Variants in ENTHD1 observed in about 807,000 individuals in gnomAD.
ENTHD1 encodes the protein ENTH domain-containing protein 1.
Under a neutral mutation model 39.1 loss-of-function variants are expected in ENTHD1, and 23 were observed. That is an observed-to-expected ratio of 0.59 (90% CI 0.42 to 0.83). The LOEUF (loss-of-function observed/expected upper bound fraction) is 0.83, where lower values mean the gene tolerates loss of function less well. ENTHD1 is among the 40% of genes least tolerant of loss of function. The pLI is 0.00. For missense variants in ENTHD1, 624 were observed against 705.4 expected (o/e 0.88, Z 1.31); for synonymous variants, 230 against 258.2 (o/e 0.89, Z 1.05).
In ENTHD1 at chr22:39,767,042, T is replaced by C. The variant is rs59257068; in HGVS notation, c.833-1433A>G. On this transcript the variant is annotated intron_variant, in intron 5 of 6. Transcript: ENST00000325157. ...TATAACACTTCATATCTCATTTATC[T>C]TGTCCCCTACCTGACAAAAGTCTCC... is the stretch of plus-strand genomic sequence containing the variant. Among the ~76,000 whole-genome samples, 671 of 152,262 alleles carry C rather than the reference T, an allele frequency of 4.4e-3. 8 individuals carry two copies. The highest frequency in any genetic ancestry group is 0.016 in the African/African-American group (648 of 41,550).
chr22:39,775,934 G>A (rs2065362090), intron 5 of ENTHD1, among the ~76,000 whole-genome samples: 1 of 152,158 alleles, frequency 6.6e-6, no homozygotes. Flanking sequence ...TTCTCATTCT[G>A]TCACCCAGGC....
chr22:39,768,313 A>G (rs1345509960), intron 5 of ENTHD1, among the ~76,000 whole-genome samples: 2 of 152,186 alleles, frequency 1.3e-5, no homozygotes, highest in East Asian at 1.9e-4. Context: ...TTCTGTTGCT[A>G]TTCAACAGGA....
intron 5 of ENTHD1, among the ~76,000 whole-genome samples, chr22:39,767,684 C>G (rs5757792): frequency 1.3e-5 from 2 of 152,162 alleles, no homozygotes; most frequent in Non-Finnish European, 2.9e-5. Context: ...ATAAGATCAT[C>G]TTAAAATTTA....
chr22:39,772,377 GGT>G (rs1380003294), intron 5 of ENTHD1, among the ~76,000 whole-genome samples: 1 of 152,060 alleles, frequency 6.6e-6, no homozygotes, highest in Non-Finnish European at 1.5e-5. Context: ...GTGGCCCAGG[GGT>G]TGGGGACCCC....
intron 3 of ENTHD1, among the ~76,000 whole-genome samples, chr22:39,843,169 A>C (rs1348486727): frequency 6.6e-6 from 1 of 152,206 alleles, no homozygotes; most frequent in Non-Finnish European, 1.5e-5. Flanking sequence ...ATGTATGTTT[A>C]CTGCGGCACT....
chr22:39,875,322 T>TCGCGCCCGTC (rs2066279099), intron 2 of ENTHD1: 1 of 1,303,074 alleles, frequency 7.7e-7, no homozygotes, highest in African/African-American at 1.6e-5. Context: ...TCGGGCCCGT[T>TCGCGCCCGTC]CGCGCCCGTC....
At chr22:39,808,222 C>T (rs1306299819) in intron 5 of ENTHD1, among the ~76,000 whole-genome samples, 1 of 152,138 alleles carries the variant, frequency 6.6e-6, no homozygotes, top group African/African-American at 2.4e-5. Flanking sequence ...CCAGCTTGGA[C>T]ATCACTTTCT....
Position 39,765,269 on chromosome 22 carries a change from T to C in ENTHD1, c.1173A>G (p.Gln391=). 1.2e-6 allele frequency: 2 copies of C among 1,613,180 alleles called. No individual in the cohort carries two copies. The highest frequency in any genetic ancestry group is 1.1e-5 in the South Asian group (1 of 91,028). ...VINKAYQKPA[Q]SSIQMDDKIL... is the part of the protein sequence containing the mutation. Reference sequence around the variant, plus strand: ...TTTTATCATCCATCTGAATGCTGGATTGTGCTGGTTTCTGGTAGGCCTTGT... The same window carrying C: ...TTTTATCATCCATCTGAATGCTGGACTGTGCTGGTTTCTGGTAGGCCTTGT... The change falls in exon 6 of 7, where the codon CAA becomes CAG. Residue 391 remains glutamine (Q), a synonymous_variant. Coordinates refer to ENST00000325157, the MANE Select transcript of ENTHD1 (RefSeq NM_152512.4).
chr22:39,862,294 A>C (rs1388219656), intron 2 of ENTHD1, among the ~76,000 whole-genome samples: 1 of 152,158 alleles, frequency 6.6e-6, no homozygotes, highest in East Asian at 1.9e-4. Flanking sequence ...TCATGGCTGT[A>C]ATCTCAGCAC....
chr22:39,771,419 C>G (rs934129053), intron 5 of ENTHD1, among the ~76,000 whole-genome samples: 9 of 151,878 alleles, frequency 5.9e-5, no homozygotes, highest in African/African-American at 1.9e-4. Context: ...GCCTGAAGAA[C>G]CAGAAAACAA....
intron 5 of ENTHD1, among the ~76,000 whole-genome samples, chr22:39,808,631 A>G (rs540362879): frequency 4.6e-5 from 7 of 152,368 alleles, no homozygotes; most frequent in Admixed American, 2.0e-4. Flanking sequence ...ACATACACTC[A>G]TTAGTAATGG....
At chr22:39,883,021 A>AG (rs1360106715) in intron 2 of ENTHD1, among the ~76,000 whole-genome samples, 2 of 150,990 alleles carry the variant, frequency 1.3e-5, no homozygotes, top group Non-Finnish European at 1.5e-5. Context: ...AAAAAAAAAA[A>AG]AAAGAAAGAA....
At chr22:39,829,845 T>C (rs1205281057) in intron 4 of ENTHD1, among the ~76,000 whole-genome samples, 1 of 148,436 alleles carries the variant, frequency 6.7e-6, no homozygotes, top group Non-Finnish European at 1.5e-5. Context: ...TTTGACTTAA[T>C]GTCTTATCTT....
At chr22:39,827,174 C>A (rs1350126068) in intron 4 of ENTHD1, among the ~76,000 whole-genome samples, 1 of 151,940 alleles carries the variant, frequency 6.6e-6, no homozygotes, top group African/African-American at 2.4e-5. Flanking sequence ...TGCCACCACG[C>A]CTGGCTAATT....
intron 5 of ENTHD1, among the ~76,000 whole-genome samples, chr22:39,812,305 G>A (rs578005299): frequency 2.0e-5 from 3 of 152,150 alleles, no homozygotes; most frequent in Non-Finnish European, 2.9e-5. Flanking sequence ...CTGAAAGACC[G>A]CAGGAGAATC....
chr22:39,870,216 C>T (rs1461246439), intron 2 of ENTHD1, among the ~76,000 whole-genome samples: 1 of 151,894 alleles, frequency 6.6e-6, no homozygotes, highest in Admixed American at 6.6e-5. Flanking sequence ...GCCATGTCGG[C>T]CAGGCTGGTC....
At chr22:39,810,068 C>G (rs564671371) in intron 5 of ENTHD1, among the ~76,000 whole-genome samples, 1 of 152,220 alleles carries the variant, frequency 6.6e-6, no homozygotes, top group East Asian at 1.9e-4. Context: ...AGCTCCTAAG[C>G]CTAGGCCAGT....
At chr22:39,847,714 C>T (rs2146698307) in intron 3 of ENTHD1, among the ~76,000 whole-genome samples, 1 of 152,182 alleles carries the variant, frequency 6.6e-6, no homozygotes, top group East Asian at 1.9e-4. Flanking sequence ...CGGGGAAAAA[C>T]TTCTTGATAT....
intron 4 of ENTHD1, among the ~76,000 whole-genome samples, chr22:39,821,833 T>C (rs1450795646): frequency 6.6e-6 from 1 of 152,158 alleles, no homozygotes; most frequent in Non-Finnish European, 1.5e-5. Context: ...CACTATAACC[T>C]CTCATGGCAG....
Sources: gnomAD v4.1 joint callset for allele counts (sites outside exome capture counted in the v4.1 genomes callset) on GRCh38, gnomAD v4.1.1 for gene constraint, MANE v1.5 for transcripts, NCBI Gene and HGNC (gene_info 2026-07-23, HGNC 2026-07-21) for gene names.